GBP6: variants seen among roughly 807,000 people sequenced by gnomAD.
The protein encoded by GBP6 is guanylate-binding protein 6.
A neutral mutation model predicts 61.5 loss-of-function variants in GBP6; 54 were observed. The ratio of observed to expected loss-of-function variants is 0.88; its 90% CI spans 0.71 to 1.10. The LOEUF (loss-of-function observed/expected upper bound fraction) is 1.10, where lower values mean the gene tolerates loss of function less well. GBP6 is among the 50% of genes least tolerant of loss of function. GBP6 has a pLI of 0.00. For synonymous variants in GBP6, 255 were observed against 273.7 expected, an observed-to-expected ratio of 0.93 and a Z score of 0.67; for missense variants, 748 against 752.8, an observed-to-expected ratio of 0.99 and a Z score of 0.07.
chr1:89,384,041 G>C (rs956949047), intron 9 of GBP6, 52 bp from the exon 10 acceptor site: 1 of 1,497,084 alleles, frequency 6.7e-7, no homozygotes, highest in East Asian at 2.3e-5. Context: ...GAAAAGTGGA[G>C]ATGAATCTTC....
In GBP6 at chr1:89,383,682, T is replaced by A. The variant is rs896702942; in HGVS notation, c.1396T>A (p.Ser466Thr). The change falls in exon 9 of 11, where the codon TCA becomes ACA. Residue 466 changes from serine to threonine, a missense_variant. Physicochemically the swap from Ser to Thr is moderately conservative, Grantham distance 58. Transcript: ENST00000370456. ...AGAGGTCTTCCAGAGGTTCCTGGAGTCACAGATGGTGATAGAGGAATCCAT... is the reference window on the plus strand; with the variant it reads ...AGAGGTCTTCCAGAGGTTCCTGGAGACACAGATGGTGATAGAGGAATCCAT... Reference protein sequence around the residue: ...AKEVFQRFLESQMVIEESILQ... With the variant: ...AKEVFQRFLETQMVIEESILQ... The A allele has an allele frequency of 6.2e-7, 1 of 1,610,228 alleles. No individual in the cohort carries two copies. Among genetic ancestry groups the A allele is most frequent in the Non-Finnish European group, 8.5e-7 (1 of 1,179,126 alleles).
In GBP6 at chr1:89,368,544, C is replaced by T. The variant is rs1304379522; in HGVS notation, c.-8C>T. ...CTACTGGGAGGCTCTTCTAGGTTGGCAGTTGCCATGGAATCTGGACCCAAA... is the reference window on the plus strand; with the variant it reads ...CTACTGGGAGGCTCTTCTAGGTTGGTAGTTGCCATGGAATCTGGACCCAAA... On this transcript the variant is annotated 5_prime_UTR_variant, in exon 2 of 11. Coordinates refer to ENST00000370456, the MANE Select transcript of GBP6 (RefSeq NM_198460.3). 3 of 1,611,632 alleles carry T rather than the reference C, an allele frequency of 1.9e-6. No individual in the cohort carries two copies. Among genetic ancestry groups the T allele is most frequent in the South Asian group, 2.2e-5 (2 of 90,748 alleles).
chr1:89,380,034 A>G (rs1652919461), intron 5 of GBP6, among the ~76,000 whole-genome samples: 2 of 152,326 alleles, frequency 1.3e-5, no homozygotes, highest in South Asian at 4.1e-4. Context: ...ACTACTAAAG[A>G]GGCTAAGGTG....
intron 3 of GBP6, among the ~76,000 whole-genome samples, chr1:89,376,945 G>A (rs887486594): frequency 1.3e-5 from 2 of 152,012 alleles, no homozygotes; most frequent in Admixed American, 6.6e-5. Flanking sequence ...TGTTTGTCAC[G>A]AGTCCCACTT....
At chr1:89,382,480 T>C (rs143940316) in intron 7 of GBP6, among the ~76,000 whole-genome samples, 184 bp from the exon 8 acceptor site, 248 of 152,330 alleles carry the variant, frequency 1.6e-3, no homozygotes, top group African/African-American at 5.8e-3. Context: ...AACTTTTCCA[T>C]AGCCTTGAAG....
rs763560800 is a variant in GBP6 at position 89,378,528 on chromosome 1, A to G, written c.540A>G (p.Val180=). 1.4e-5 allele frequency: 23 copies of G among 1,613,934 alleles called. No homozygotes were observed. In the South Asian group the frequency reaches 2.4e-4, roughly 17 times the overall value. The change falls in exon 5 of 11, where the codon GTA becomes GTG. Residue 180 remains valine (V), a synonymous_variant. Transcript: ENST00000370456. ...VSFFPDFLWT[V]RDFTLELKLN... Reference sequence around the variant, plus strand: ...TCTTCCCAGACTTTCTTTGGACAGTACGGGATTTCACTCTGGAGCTGAAGT... The same window carrying G: ...TCTTCCCAGACTTTCTTTGGACAGTGCGGGATTTCACTCTGGAGCTGAAGT...
At chr1:89,384,587 G>A (rs892609722) in intron 10 of GBP6, among the ~76,000 whole-genome samples, 1 of 152,178 alleles carries the variant, frequency 6.6e-6, no homozygotes, top group African/African-American at 2.4e-5. Context: ...ATCTCAAGAA[G>A]TTAAACATAT....
intron 6 of GBP6, among the ~76,000 whole-genome samples, 194 bp downstream of exon 6, chr1:89,380,825 T>C (rs748314887): frequency 7.2e-5 from 11 of 152,210 alleles, no homozygotes; most frequent in Non-Finnish European, 1.5e-4. Context: ...GCAAACTCTG[T>C]CACTGATATC....
At chr1:89,366,105 A>G (rs1328338220) in intron 1 of GBP6, among the ~76,000 whole-genome samples, 1 of 152,166 alleles carries the variant, frequency 6.6e-6, no homozygotes, top group Non-Finnish European at 1.5e-5. Context: ...TATGCCTTTC[A>G]CCTCGATTCA....
rs1276888447 is a variant in GBP6 at position 89,386,462 on chromosome 1, G to T, written c.*993G>T. 6.6e-6 allele frequency: 1 copy of T among 152,184 alleles called. No individual in the cohort carries two copies. Among genetic ancestry groups the T allele is most frequent in the African/African-American group, 2.4e-5 (1 of 41,432 alleles). The allele number at this position is 152,184 out of a possible 1,614,324, so 9.4% of individuals were successfully genotyped here. A position where few individuals can be genotyped will look rare whatever the true frequency, so the allele number is the denominator to read the frequency against. On this transcript the variant is annotated 3_prime_UTR_variant, in exon 11 of 11. Coordinates refer to ENST00000370456, the MANE Select transcript of GBP6 (RefSeq NM_198460.3). ...AAAAAAATAGTGAAATTGGCTATCA[G>T]ATGATGAAATTCCTTGTTGCTTCTA...
At chr1:89,385,176 C>A in intron 10 of GBP6, 54 bp from the exon 11 acceptor site, 1 of 1,504,116 alleles carries the variant, frequency 6.6e-7, no homozygotes. Flanking sequence ...AAATGTAAGT[C>A]TTAAAAGAAT....
In GBP6 at chr1:89,388,125, T is replaced by C. The variant is rs766345556; in HGVS notation, c.*2656T>C. On this transcript the variant is annotated 3_prime_UTR_variant, in exon 11 of 11. Coordinates refer to ENST00000370456, the MANE Select transcript of GBP6 (RefSeq NM_198460.3). The stretch of plus-strand genomic sequence containing the variant: ...GACCTCACACAAATCTGTAACTTCA[T>C]GTATCACAGTCTCTATAAAACTATA... Among the ~76,000 whole-genome samples, 1 of 152,200 alleles carries C rather than the reference T, an allele frequency of 6.6e-6. No homozygotes were observed. Among genetic ancestry groups the C allele is most frequent in the Admixed American group, 6.5e-5 (1 of 15,284 alleles).
chr1:89,368,605 T>C lies in GBP6; in HGVS notation c.54T>C (p.Asn18=). ...LAPVCLVENN[N]EQLLVNQQAI... The stretch of plus-strand genomic sequence containing the variant: ...CCGTTTGCCTGGTGGAAAATAACAA[T>C]GAGCAGCTATTGGTGAACCAGCAAG... Residue 18 remains asparagine (N), a synonymous_variant, in exon 2 of 11, where the codon AAT becomes AAC. Coordinates refer to ENST00000370456, the MANE Select transcript of GBP6 (RefSeq NM_198460.3). 1 of 1,614,152 alleles carries C rather than the reference T, an allele frequency of 6.2e-7. No individual in the cohort carries two copies. Among genetic ancestry groups the C allele is most frequent in the Non-Finnish European group, 8.5e-7 (1 of 1,180,014 alleles).
At chr1:89,367,652 T>C (rs1278233756) in intron 1 of GBP6, among the ~76,000 whole-genome samples, 1 of 152,220 alleles carries the variant, frequency 6.6e-6, no homozygotes, top group Non-Finnish European at 1.5e-5. Context: ...TTTTTAATTA[T>C]GATGAAGTGT....
At position 89,385,553 on chromosome 1, in the gene GBP6, T is replaced by TC. The variant is rs71954362; in HGVS notation, c.*84_*85insC. The TC allele has an allele frequency of 0.014, 18,642 of 1,370,506 alleles. 75 individuals carry two copies. Among genetic ancestry groups the TC allele is most frequent in the Non-Finnish European group, 0.016 (16,647 of 1,020,186 alleles). The allele number at this position is 1,370,506 out of a possible 1,614,324, so 84.9% of individuals were successfully genotyped here. A position where few individuals can be genotyped will look rare whatever the true frequency, so the allele number is the denominator to read the frequency against. On this transcript the variant is annotated 3_prime_UTR_variant, in exon 11 of 11. Coordinates refer to ENST00000370456, the MANE Select transcript of GBP6 (RefSeq NM_198460.3). ...TTTCATTCAGCAAGTTTTTTTTTTT[T>TC]TTCAGAGTCTTACTCTGTTGCCCAG...
In GBP6 at chr1:89,387,014, T is replaced by C. The variant is rs1188587535; in HGVS notation, c.*1545T>C. On this transcript the variant is annotated 3_prime_UTR_variant, in exon 11 of 11. Transcript: ENST00000370456. ...ATGGGATGGGGAGAAAACAATCAAG[T>C]GAAGTAAATGCTGTCTATCAGGATG... Among the ~76,000 whole-genome samples the C allele has an allele frequency of 6.6e-6, 1 of 152,174 alleles. No homozygotes were observed. Among genetic ancestry groups the C allele is most frequent in the East Asian group, 1.9e-4 (1 of 5,182 alleles).
At chr1:89,368,383 G>C (rs898320291) in intron 1 of GBP6, 146 bp from the exon 2 acceptor site, 1 of 566,566 alleles carries the variant, frequency 1.8e-6, no homozygotes, top group African/African-American at 1.9e-5. Context: ...ACTTGGGAGA[G>C]TGATAAAAGA....
At chr1:89,368,777 A>G (rs779777640) in intron 2 of GBP6, 36 bp downstream of exon 2, 1 of 1,573,866 alleles carries the variant, frequency 6.4e-7, no homozygotes, top group Non-Finnish European at 8.7e-7. Flanking sequence ...CAGTTGCTTG[A>G]TTCCAGCTAT....
intron 10 of GBP6, 119 bp downstream of exon 10, chr1:89,384,405 A>C: frequency 2.7e-6 from 2 of 740,696 alleles, no homozygotes; most frequent in Non-Finnish European, 4.3e-6. Flanking sequence ...CTGCTTGGCA[A>C]TCACTAAAAG....
Sources: gnomAD v4.1 joint callset for allele counts (sites outside exome capture counted in the v4.1 genomes callset) on GRCh38, gnomAD v4.1.1 for gene constraint, MANE v1.5 for transcripts, NCBI Gene and HGNC (gene_info 2026-07-23, HGNC 2026-07-21) for gene names.